Variants in NAV1 observed in about 807,000 individuals in gnomAD.
The protein encoded by NAV1 is pore membrane and/or filament interacting like protein 3.
In NAV1, 18 loss-of-function variants were observed where a neutral mutation model predicts 175.2. The observed-to-expected ratio is 0.10, with a 90% CI of 0.07 to 0.15. NAV1 has a LOEUF of 0.15. Among genes scored for constraint, NAV1 ranks in the 10% least tolerant of loss-of-function variants. The pLI is 1.00. For synonymous variants in NAV1, 897 were observed against 978.7 expected (o/e 0.92, Z 1.56); for missense variants, 1,731 against 2,436.6 (o/e 0.71, Z 6.10).
intron 1 of NAV1, among the ~76,000 whole-genome samples, chr1:201,565,508 G>A (rs919864085): frequency 1.3e-5 from 2 of 152,196 alleles, no homozygotes; most frequent in Non-Finnish European, 2.9e-5. Flanking sequence ...CATGGGGCCC[G>A]GCCCATGGCT....
intron 1 of NAV1, among the ~76,000 whole-genome samples, chr1:201,540,536 C>T (rs1398483890): frequency 1.3e-5 from 2 of 152,180 alleles, no homozygotes; most frequent in Non-Finnish European, 1.5e-5. Context: ...GAATGGCCTC[C>T]CCAGGAGGAG....
intron 1 of NAV1, among the ~76,000 whole-genome samples, chr1:201,691,808 G>A (rs1016897933): frequency 2.1e-4 from 32 of 152,182 alleles, no homozygotes; most frequent in Admixed American, 2.0e-3. Context: ...GATAAACATG[G>A]CCATGGTCTT....
chr1:201,809,088 A>G, intron 20 of NAV1, 76 bp from the exon 25 acceptor site: 1 of 1,464,858 alleles, frequency 6.8e-7, no homozygotes. Context: ...GTTATTTTGG[A>G]AAGGATAATG....
intron 2 of NAV1, among the ~76,000 whole-genome samples, chr1:201,637,790 C>T (rs148385509): frequency 4.6e-5 from 7 of 152,278 alleles, no homozygotes; most frequent in African/African-American, 9.6e-5. Flanking sequence ...TTTCCCTCAC[C>T]GGCCTGCAGT....
chr1:201,584,163 A>G (rs1479899762), intron 1 of NAV1, among the ~76,000 whole-genome samples: 1 of 152,250 alleles, frequency 6.6e-6, no homozygotes, highest in Non-Finnish European at 1.5e-5. Flanking sequence ...TATCAAGTTC[A>G]GAGATGTGAA....
intron 2 of NAV1, among the ~76,000 whole-genome samples, chr1:201,607,530 C>A (rs1280664584): frequency 6.6e-6 from 1 of 152,100 alleles, no homozygotes; most frequent in Non-Finnish European, 1.5e-5. Flanking sequence ...CTCGCTCTGT[C>A]TCCAAGGCTG....
intron 1 of NAV1, among the ~76,000 whole-genome samples, chr1:201,550,547 A>T (rs1054278646): frequency 6.6e-6 from 1 of 152,254 alleles, no homozygotes; most frequent in African/African-American, 2.4e-5. Flanking sequence ...ATTTCTTGGT[A>T]ACCCTGAACA....
chr1:201,817,430 T>C, intron 29 of NAV1, 145 bp downstream of exon 33: 1 of 665,644 alleles, frequency 1.5e-6, no homozygotes, highest in Non-Finnish European at 2.5e-6. Flanking sequence ...CTGGGCAACA[T>C]AATGAGACCC....
At chr1:201,759,119 T>TC in intron 3 of NAV1, among the ~76,000 whole-genome samples, 1 of 152,100 alleles carries the variant, frequency 6.6e-6, no homozygotes, top group East Asian at 1.9e-4. Context: ...CTAGTGATGT[T>TC]CCCCCCTCCC....
At chr1:201,564,795 C>G (rs1212196213) in intron 1 of NAV1, among the ~76,000 whole-genome samples, 1 of 152,200 alleles carries the variant, frequency 6.6e-6, no homozygotes, top group Non-Finnish European at 1.5e-5. Context: ...CCTGGAGGAT[C>G]CAGGGGAGAA....
chr1:201,596,614 C>T (rs1352029108), intron 2 of NAV1, among the ~76,000 whole-genome samples: 1 of 152,196 alleles, frequency 6.6e-6, no homozygotes, highest in Non-Finnish European at 1.5e-5. Flanking sequence ...CATGAGATTC[C>T]CATTTCCATC....
upstream of NAV1, among the ~76,000 whole-genome samples, chr1:201,620,135 C>G (rs1397523907): frequency 6.6e-6 from 1 of 152,180 alleles, no homozygotes; most frequent in Non-Finnish European, 1.5e-5. Context: ...TAGGCTGTAA[C>G]TGGTCCCAGA....
chr1:201,685,196 C>T (rs535553965), intron 1 of NAV1, among the ~76,000 whole-genome samples: 222 of 150,338 alleles, frequency 1.5e-3, no homozygotes, highest in Non-Finnish European at 2.5e-3. Flanking sequence ...GCGGTGATCA[C>T]GCCACTGCAC....
chr1:201,638,935 A>T (rs983735321), intron 2 of NAV1, among the ~76,000 whole-genome samples: 1 of 152,204 alleles, frequency 6.6e-6, no homozygotes, highest in Non-Finnish European at 1.5e-5. Flanking sequence ...GCAGAAGAGG[A>T]TATCTCCGTG....
At chr1:201,613,001 G>A (rs544489305) in intron 2 of NAV1, among the ~76,000 whole-genome samples, 5 of 152,122 alleles carry the variant, frequency 3.3e-5, no homozygotes, top group African/African-American at 1.2e-4. Context: ...AACTAACCAG[G>A]ATTTCCAGGG....
chr1:201,559,107 G>A (rs1043701959), intron 1 of NAV1, among the ~76,000 whole-genome samples: 1 of 152,142 alleles, frequency 6.6e-6, no homozygotes, highest in African/African-American at 2.4e-5. Context: ...AAGGATTGAA[G>A]GAGATAACGC....
chr1:201,805,924 A>G (rs1227752705), intron 17 of NAV1, among the ~76,000 whole-genome samples: 1 of 152,128 alleles, frequency 6.6e-6, no homozygotes. Context: ...CTGTCTCCAA[A>G]AAAAGAAAAA....
intron 29 of NAV1, 38 bp from the exon 34 acceptor site, chr1:201,819,799 C>T: frequency 6.4e-7 from 1 of 1,573,026 alleles, no homozygotes; most frequent in Non-Finnish European, 8.8e-7. Context: ...GACCCAGAGT[C>T]CCAACTCTCA....
chr1:201,670,967 T>C (rs544501748), intron 1 of NAV1, among the ~76,000 whole-genome samples: 1 of 152,178 alleles, frequency 6.6e-6, no homozygotes, highest in Non-Finnish European at 1.5e-5. Flanking sequence ...GTAGCACCAA[T>C]GGTGATGACT....
Sources: allele counts gnomAD v4.1 joint callset (sites outside exome capture counted in the v4.1 genomes callset), GRCh38; gene constraint gnomAD v4.1.1; transcripts MANE v1.5; gene names NCBI Gene and HGNC (gene_info 2026-07-23, HGNC 2026-07-21).